DNAJC5: variants seen among roughly 807,000 people sequenced by gnomAD.
The protein encoded by DNAJC5 is DnaJ heat shock protein family (Hsp40) member C5.
DNAJC5 carries 1 observed loss-of-function variant against 23.2 expected under a neutral mutation model. That is an observed-to-expected ratio of 0.04 (90% CI 0.02 to 0.20). The LOEUF (loss-of-function observed/expected upper bound fraction) is 0.20, where lower values mean the gene tolerates loss of function less well. Ranked by LOEUF, DNAJC5 falls within the 10% of genes least tolerant of loss-of-function variation. The pLI is 1.00. For missense variants in DNAJC5, 180 were observed against 267.0 expected, an observed-to-expected ratio of 0.67 and a Z score of 2.27; for synonymous variants, 136 against 120.0, an observed-to-expected ratio of 1.13 and a Z score of -0.87.
In DNAJC5 at chr20:63,929,702, G is replaced by A. The variant is rs1047502569; in HGVS notation, c.321+177G>A. On this transcript the variant is annotated intron_variant, in intron 3 of 4. Transcript: ENST00000360864. The surrounding 1 kb of genome is among the most constrained non-coding windows in gnomAD (Gnocchi z 8.6). ...TGCGGGCACCCGAGTCACTCCTGCC[G>A]TGCGGGCGCCCGAGTCACTCCTGCC... Among the ~76,000 whole-genome samples the A allele has an allele frequency of 1.1e-4, 17 of 148,238 alleles. No individual in the cohort carries two copies. The highest frequency in any genetic ancestry group is 1.5e-4 in the Non-Finnish European group (10 of 67,276).
At position 63,920,587 on chromosome 20, in the gene DNAJC5, G is replaced by A. The variant is rs1397929159; in HGVS notation, c.-11-7748G>A. ...GTCTTGTCTGCCTAGGCATGTGTGC[G>A]GGCCCTGGGGCTGCTGCCAGCAGAA... On this transcript the variant is annotated intron_variant, in intron 1 of 4. Transcript: ENST00000360864. This position sits in a 1 kb window ranked among gnomAD's most constrained non-coding sequence, Gnocchi z 4.6. Among the ~76,000 whole-genome samples the A allele has an allele frequency of 2.6e-5, 4 of 152,274 alleles. No individual in the cohort carries two copies. Among genetic ancestry groups the A allele is most frequent in the African/African-American group, 4.8e-5 (2 of 41,476 alleles).
intron 1 of DNAJC5, among the ~76,000 whole-genome samples, chr20:63,921,780 T>G (rs2053575223): frequency 6.6e-6 from 1 of 151,806 alleles, no homozygotes; most frequent in South Asian, 2.1e-4. Context: ...GGGATCCCCT[T>G]GAAAGTTTTT....
intron 1 of DNAJC5, among the ~76,000 whole-genome samples, chr20:63,926,877 C>T (rs1600882836): frequency 6.6e-6 from 1 of 152,244 alleles, no homozygotes; most frequent in East Asian, 1.9e-4. Flanking sequence ...CCCCACGATG[C>T]AGCAAAGGAG....
chr20:63,905,448 A>G (rs1018233438), intron 1 of DNAJC5, among the ~76,000 whole-genome samples: 2 of 151,856 alleles, frequency 1.3e-5, no homozygotes, highest in Non-Finnish European at 2.9e-5. Context: ...ACAAGGTCTC[A>G]CACTCTTGCC....
At chr20:63,925,926 A>T (rs2053610803) in intron 1 of DNAJC5, among the ~76,000 whole-genome samples, 2 of 146,756 alleles carry the variant, frequency 1.4e-5, no homozygotes, top group South Asian at 2.1e-4. Flanking sequence ...CTTCCGGGTT[A>T]ACGTCATTCT....
chr20:63,920,659 CTTTTAAT>C lies in DNAJC5; in HGVS notation c.-11-7663_-11-7657del, dbSNP rs1278662856. Among the ~76,000 whole-genome samples, 2 of 152,298 alleles carry C rather than the reference CTTTTAAT, an allele frequency of 1.3e-5. No homozygotes were observed. Among genetic ancestry groups the C allele is most frequent in the East Asian group, 1.9e-4 (1 of 5,188 alleles). On this transcript the variant is annotated intron_variant, in intron 1 of 4. Coordinates refer to ENST00000360864, the MANE Select transcript of DNAJC5 (RefSeq NM_025219.3). This position sits in a 1 kb window ranked among gnomAD's most constrained non-coding sequence, Gnocchi z 4.6. ...TGTAAAACGTGACCCTTTTTGTTTG[CTTTTAAT>C]TTTTAATTTTTATTTATTTATTTAT... is the stretch of plus-strand genomic sequence containing the variant.
rs945644754 is a variant in DNAJC5, at chr20:63,935,217, C to T, written c.*3649C>T. The T allele has an allele frequency of 6.6e-6, 1 of 152,252 alleles. No individual in the cohort carries two copies. Among genetic ancestry groups the T allele is most frequent in the Non-Finnish European group, 1.5e-5 (1 of 68,056 alleles). The allele number at this position is 152,252 out of a possible 1,614,324, so 9.4% of individuals were successfully genotyped here. A position where few individuals can be genotyped will look rare whatever the true frequency, so the allele number is the denominator to read the frequency against. On this transcript the variant is annotated 3_prime_UTR_variant, in exon 5 of 5. Coordinates refer to ENST00000360864, the MANE Select transcript of DNAJC5 (RefSeq NM_025219.3). ...TGTACATATGTGTATATGTATATAT[C>T]ACGCAGCAGGAGTGTCATTCATGCT...
chr20:63,898,940 A>G (rs2053391653), intron 1 of DNAJC5, among the ~76,000 whole-genome samples: 1 of 152,214 alleles, frequency 6.6e-6, no homozygotes, highest in Non-Finnish European at 1.5e-5. Context: ...AGATGTGTCC[A>G]AGAAGCACCG....
intron 1 of DNAJC5, among the ~76,000 whole-genome samples, chr20:63,916,298 A>T (rs547952470): frequency 6.6e-6 from 1 of 152,204 alleles, no homozygotes; most frequent in Admixed American, 6.5e-5. Flanking sequence ...TCTATTTTCC[A>T]TAAGTGTCGG....
rs763097815 is a variant in DNAJC5 at position 63,931,600 on chromosome 20, C to T, written c.*32C>T. The T allele has an allele frequency of 3.2e-5, 49 of 1,526,224 alleles. No individual in the cohort carries two copies. The highest frequency in any genetic ancestry group is 4.9e-5 in the East Asian group (2 of 40,994). The allele number at this position is 1,526,224 out of a possible 1,614,324, so 94.5% of individuals were successfully genotyped here. On this transcript the variant is annotated 3_prime_UTR_variant, in exon 5 of 5. Transcript: ENST00000360864. The surrounding 1 kb of genome is among the most constrained non-coding windows in gnomAD (Gnocchi z 9.6). ...GAGGAGCTGTGGTCAGAGGAGGAGC[C>T]GGCGCCTGGCCACGCCAACCTTAGA...
chr20:63,930,322 G>A (rs1600887094), intron 3 of DNAJC5, among the ~76,000 whole-genome samples: 1 of 151,472 alleles, frequency 6.6e-6, no homozygotes, highest in East Asian at 1.9e-4. Context: ...GAGTTGAGGC[G>A]TGAACCACTG....
rs1424100076 is a variant in DNAJC5, at chr20:63,934,657, C to T, written c.*3089C>T. On this transcript the variant is annotated 3_prime_UTR_variant, in exon 5 of 5. Transcript: ENST00000360864. ...TATTTTTAAACTGCTTTAGATATTA[C>T]TGCTCAGTGTTTGTGAACTTTCCTA... 3 of 152,270 alleles carry T rather than the reference C, an allele frequency of 2.0e-5. No homozygotes were observed. The highest frequency in any genetic ancestry group is 1.3e-4 in the Admixed American group (2 of 15,292). The allele number at this position is 152,270 out of a possible 1,614,324, so 9.4% of individuals were successfully genotyped here. A position where few individuals can be genotyped will look rare whatever the true frequency, so the allele number is the denominator to read the frequency against.
At chr20:63,927,042 A>G (rs2053621985) in intron 1 of DNAJC5, among the ~76,000 whole-genome samples, 3 of 152,220 alleles carry the variant, frequency 2.0e-5, no homozygotes, top group Admixed American at 2.0e-4. Flanking sequence ...TTTGTAGCTA[A>G]GTCAGGGATA....
chr20:63,925,295 T>A (rs2053603252), intron 1 of DNAJC5, among the ~76,000 whole-genome samples: 1 of 151,974 alleles, frequency 6.6e-6, no homozygotes, highest in African/African-American at 2.4e-5. Context: ...ACCATCCTGG[T>A]CAATGTGGTG....
At chr20:63,922,335 C>G (rs181602990) in intron 1 of DNAJC5, among the ~76,000 whole-genome samples, 2 of 151,840 alleles carry the variant, frequency 1.3e-5, no homozygotes, top group African/African-American at 4.8e-5. Context: ...TGGTGGCGCG[C>G]GCCTGTAATC....
In DNAJC5 at chr20:63,929,422, G is replaced by A. The variant is rs1230760353; in HGVS notation, c.218G>A (p.Arg73Lys). 2 of 1,614,168 alleles carry A rather than the reference G, an allele frequency of 1.2e-6. No homozygotes were observed. The highest frequency in any genetic ancestry group is 4.5e-5 in the East Asian group (2 of 44,872). Residue 73 changes from arginine to lysine, a missense_variant, in exon 3 of 5, where the codon AGG becomes AAG. This residue lies in a region of DNAJC5 where 77 missense variants were observed against 106.8 expected (regional missense o/e 0.72). Transcript: ENST00000360864. The surrounding 1 kb of genome is among the most constrained non-coding windows in gnomAD (Gnocchi z 8.6). ...AHAILTDATK[R>K]NIYDKYGSLG... ...GCCATCCTCACGGACGCCACAAAAAGGAACATCTACGACAAGTACGGCTCG... is the reference window on the plus strand; with the variant it reads ...GCCATCCTCACGGACGCCACAAAAAAGAACATCTACGACAAGTACGGCTCG...
chr20:63,906,308 GA>G (rs2146276069), intron 1 of DNAJC5, among the ~76,000 whole-genome samples: 1 of 151,972 alleles, frequency 6.6e-6, no homozygotes, highest in South Asian at 2.1e-4. Context: ...CCAACATGGC[GA>G]AACCCCTTCC....
chr20:63,923,973 T>C (rs1335929289), intron 1 of DNAJC5, among the ~76,000 whole-genome samples: 1 of 152,204 alleles, frequency 6.6e-6, no homozygotes, highest in Non-Finnish European at 1.5e-5. Context: ...ACGTACATAA[T>C]GTAAATATTT....
chr20:63,928,982 G>A lies in DNAJC5; in HGVS notation c.108-330G>A, dbSNP rs538568709. Among the ~76,000 whole-genome samples, 12 of 152,344 alleles carry A rather than the reference G, an allele frequency of 7.9e-5. No individual in the cohort carries two copies. The highest frequency in any genetic ancestry group is 1.9e-4 in the East Asian group (1 of 5,194). Reference sequence around the variant, plus strand: ...TAAAGTGCCATCATTACGCCCCGCCGTGCTTACCGTTCACTTGGCACTTGT... The same window carrying A: ...TAAAGTGCCATCATTACGCCCCGCCATGCTTACCGTTCACTTGGCACTTGT... On this transcript the variant is annotated intron_variant, in intron 2 of 4. Transcript: ENST00000360864. This position sits in a 1 kb window ranked among gnomAD's most constrained non-coding sequence, Gnocchi z 4.6.
Sources: gnomAD v4.1 joint callset for allele counts (sites outside exome capture counted in the v4.1 genomes callset) on GRCh38, gnomAD v4.1.1 for gene constraint, gnomAD v4.1.1 regional missense constraint, Gnocchi (gnomAD v3.1) non-coding constraint, MANE v1.5 for transcripts, NCBI Gene and HGNC (gene_info 2026-07-23, HGNC 2026-07-21) for gene names.